Variants in EIF4G3 observed in about 807,000 individuals in gnomAD.
EIF4G3 encodes eukaryotic translation initiation factor 4 gamma 3, also known as eIF-4-gamma 3.
EIF4G3 carries 34 observed loss-of-function variants against 186.4 expected under a neutral mutation model. The ratio of observed to expected loss-of-function variants is 0.18; its 90% confidence interval spans 0.14 to 0.24. The LOEUF is 0.24. EIF4G3 is among the 10% of genes least tolerant of loss of function. The pLI, the probability that EIF4G3 is intolerant of heterozygous loss-of-function variation, is 1.00. For missense variants in EIF4G3, 1,536 were observed against 1,948.5 expected (o/e 0.79, Z 3.99); for synonymous variants, 673 against 679.5 (o/e 0.99, Z 0.15).
chr1:20,860,068 C>T (rs186722114), intron 24 of EIF4G3, among the ~76,000 whole-genome samples: 1 of 152,312 alleles, frequency 6.6e-6, no homozygotes, highest in Admixed American at 6.5e-5. Flanking sequence ...ACCAGATAAA[C>T]TGTACACTTT....
chr1:20,950,234 G>C (rs910299811), intron 12 of EIF4G3, 123 bp from the exon 13 acceptor site: 3 of 570,856 alleles, frequency 5.3e-6, no homozygotes, highest in Non-Finnish European at 8.5e-6. Flanking sequence ...AAAAAGGAAA[G>C]CAAGGAAAAA....
intron 2 of EIF4G3, among the ~76,000 whole-genome samples, chr1:21,091,916 T>C (rs565684574): frequency 6.6e-6 from 1 of 152,350 alleles, no homozygotes; most frequent in Admixed American, 6.5e-5. Context: ...GTTTTCTAAA[T>C]ATACAATCAC....
chr1:20,855,158 G>A (rs2074509765), intron 25 of EIF4G3, 87 bp from the exon 26 acceptor site: 1 of 1,055,634 alleles, frequency 9.5e-7, no homozygotes, highest in African/African-American at 1.7e-5. Context: ...CAGTGAAGTA[G>A]AACCAATTTT....
intron 19 of EIF4G3, among the ~76,000 whole-genome samples, chr1:20,884,406 C>T (rs1572183570): frequency 6.6e-6 from 1 of 152,004 alleles, no homozygotes; most frequent in Non-Finnish European, 1.5e-5. Flanking sequence ...CATCTATTTC[C>T]TCATTATAGG....
At chr1:20,962,908 G>GTTT (rs66593105) in intron 12 of EIF4G3, among the ~76,000 whole-genome samples, 11 of 139,204 alleles carry the variant, frequency 7.9e-5, no homozygotes, top group African/African-American at 2.1e-4. Context: ...TTGTAGTTTT[G>GTTT]TTTTTTTTTT....
chr1:21,176,838 C>G lies in EIF4G3; in HGVS notation c.-572G>C, dbSNP rs1199523802. 1 of 701,808 alleles carries G rather than the reference C, an allele frequency of 1.4e-6. No homozygotes were observed. The highest frequency in any genetic ancestry group is 2.7e-5 in the East Asian group (1 of 37,130). 43.5% of individuals were successfully genotyped at this position (701,808 alleles called of 1,614,324 possible). On this transcript the variant is annotated 5_prime_UTR_variant, in exon 1 of 37. Transcript: ENST00000602326. ...GCGATGCCGGTGGATTTTCTTCACT[C>G]AACGAGCAGAGCATCCAACATGGCG...
At chr1:20,983,141 G>A (rs1421886079) in intron 7 of EIF4G3, among the ~76,000 whole-genome samples, 1 of 152,144 alleles carries the variant, frequency 6.6e-6, no homozygotes, top group East Asian at 1.9e-4. Flanking sequence ...GAAGAACTGG[G>A]ATCTAGTGTC....
chr1:20,917,638 G>A (rs2094032013), intron 14 of EIF4G3, among the ~76,000 whole-genome samples: 1 of 152,182 alleles, frequency 6.6e-6, no homozygotes, highest in East Asian at 1.9e-4. Flanking sequence ...AGTGCAGGAG[G>A]GAGGGATTTA....
At position 20,886,212 on chromosome 1, in the gene EIF4G3, T is replaced by C. The variant is rs551699625; in HGVS notation, c.2413A>G (p.Ile805Val). ...GCTTTTGTTCTCACCTGGGTTTTAA[T>C]GTTTTCGGGATCATCGGCTTGGCTG... The part of the protein sequence containing the change: ...RDSQADDPEN[I>V]KTQELFRKVR... The change falls in exon 19 of 37, where the codon ATT becomes GTT. Residue 805 changes from isoleucine (I) to valine (V), a missense_variant. Transcript: ENST00000602326. The C allele has an allele frequency of 1.9e-6, 3 of 1,612,458 alleles. No individual in the cohort carries two copies. Among genetic ancestry groups the C allele is most frequent in the Non-Finnish European group, 2.5e-6 (3 of 1,179,548 alleles).
chr1:20,890,962 G>C (rs1273375318), intron 18 of EIF4G3, among the ~76,000 whole-genome samples: 1 of 152,130 alleles, frequency 6.6e-6, no homozygotes, highest in African/African-American at 2.4e-5. Context: ...TTCTGACACA[G>C]AACAAAGCTG....
intron 3 of EIF4G3, among the ~76,000 whole-genome samples, chr1:21,084,245 AAAG>A (rs946067896): frequency 6.6e-6 from 1 of 151,888 alleles, no homozygotes; most frequent in African/African-American, 2.4e-5. Flanking sequence ...AAAAAAAAAA[AAAG>A]AAAGAAAAAA....
chr1:21,117,000 A>T (rs192924850), intron 2 of EIF4G3, among the ~76,000 whole-genome samples: 3 of 152,320 alleles, frequency 2.0e-5, no homozygotes, highest in Non-Finnish European at 4.4e-5. Flanking sequence ...CAAATTGGAA[A>T]TAAAATTGTA....
In EIF4G3 at chr1:20,817,509, G is replaced by A. The variant is rs147544193; in HGVS notation, c.4398C>T (p.Pro1466=). 11 of 1,604,112 alleles carry A rather than the reference G, an allele frequency of 6.9e-6. No homozygotes were observed. The highest frequency in any genetic ancestry group is 8.5e-6 in the Non-Finnish European group (10 of 1,174,348). Residue 1466 remains proline (P), a synonymous_variant, in exon 34 of 37, where the codon CCC becomes CCT. Coordinates refer to ENST00000602326, the MANE Select transcript of EIF4G3 (RefSeq NM_001391906.1). ...QKLDFIESDS[P]CSSEALSKKE... Reference sequence around the variant, plus strand: ...TCTTTGAAAGTGCTTCAGAGGAACAGGGACTGTCAGACTCTATGAAGTCCA... The same window carrying A: ...TCTTTGAAAGTGCTTCAGAGGAACAAGGACTGTCAGACTCTATGAAGTCCA...
rs934299276 is a variant in EIF4G3 at position 20,950,615 on chromosome 1, A to G, written c.715-504T>C. 2.0e-5 allele frequency among the ~76,000 whole-genome samples: 3 copies of G among 152,346 alleles called. No homozygotes were observed. In the South Asian group the frequency reaches 6.2e-4, roughly 32 times the overall value. On this transcript the variant is annotated intron_variant, in intron 12 of 36. Coordinates refer to ENST00000602326, the MANE Select transcript of EIF4G3 (RefSeq NM_001391906.1). ...AATGATTCCTGCTACTTATCCATGT[A>G]ATCATACAGGTGAAATGCAACTTTG...
chr1:21,104,902 C>T (rs1193972294), intron 2 of EIF4G3, among the ~76,000 whole-genome samples: 1 of 152,076 alleles, frequency 6.6e-6, no homozygotes, highest in East Asian at 1.9e-4. Context: ...GAGATCATGT[C>T]CTTTGCAGCA....
chr1:21,146,005 G>A (rs964360486), intron 2 of EIF4G3, among the ~76,000 whole-genome samples: 4 of 151,940 alleles, frequency 2.6e-5, no homozygotes, highest in African/African-American at 9.7e-5. Flanking sequence ...TGAGGCAGGA[G>A]GATCAACTCA....
intron 13 of EIF4G3, among the ~76,000 whole-genome samples, chr1:20,943,058 A>C (rs1271585640): frequency 6.6e-6 from 1 of 152,090 alleles, no homozygotes; most frequent in Non-Finnish European, 1.5e-5. Flanking sequence ...AACTACTCAA[A>C]AGGCTGAGGT....
At chr1:21,111,388 A>G (rs1331099239) in intron 2 of EIF4G3, 2 of 471,628 alleles carry the variant, frequency 4.2e-6, no homozygotes, top group East Asian at 6.9e-5. Flanking sequence ...GGATTGCTGG[A>G]AAGAATTAGC....
intron 24 of EIF4G3, among the ~76,000 whole-genome samples, chr1:20,857,828 C>T (rs556570314): frequency 1.3e-5 from 2 of 152,288 alleles, no homozygotes; most frequent in African/African-American, 4.8e-5. Context: ...AGAACACTTT[C>T]GGAGAAGTCA....
Sources: gnomAD v4.1 joint callset for allele counts (sites outside exome capture counted in the v4.1 genomes callset) on GRCh38, gnomAD v4.1.1 for gene constraint, MANE v1.5 for transcripts, NCBI Gene and HGNC (gene_info 2026-07-23, HGNC 2026-07-21) for gene names.